Variants in RPF1 observed in about 807,000 individuals in gnomAD.
The protein encoded by RPF1 is ribosome production factor 1 homolog.
RPF1 carries 34 observed loss-of-function variants against 41.9 expected under a neutral mutation model. That is an observed-to-expected ratio of 0.81 (90% confidence interval 0.62 to 1.08). The LOEUF (loss-of-function observed/expected upper bound fraction) is 1.08, where lower values mean the gene tolerates loss of function less well. Ranked by LOEUF, RPF1 falls within the 50% of genes least tolerant of loss-of-function variation. The pLI is 0.00. For missense variants in RPF1, 425 were observed against 435.2 expected (o/e 0.98, Z 0.21); for synonymous variants, 140 against 148.9 (o/e 0.94, Z 0.43).
intron 3 of RPF1, among the ~76,000 whole-genome samples, chr1:84,486,017 T>C (rs1681729035): frequency 6.6e-6 from 1 of 152,070 alleles, no homozygotes; most frequent in Non-Finnish European, 1.5e-5. Context: ...AGCAAAGACT[T>C]GAAGGATGTG....
chr1:84,495,701 A>G (rs1681921567), intron 6 of RPF1, among the ~76,000 whole-genome samples, 181 bp from the exon 7 acceptor site: 2 of 152,208 alleles, frequency 1.3e-5, no homozygotes, highest in Admixed American at 6.5e-5. Flanking sequence ...CATTCAGTGC[A>G]TATTAAAATA....
At chr1:84,480,068 C>A (rs1053713806) in intron 1 of RPF1, among the ~76,000 whole-genome samples, 2 of 152,184 alleles carry the variant, frequency 1.3e-5, no homozygotes, top group African/African-American at 2.4e-5. Flanking sequence ...TCGCAGTGCT[C>A]ATTTCTGGTT....
At chr1:84,490,756 G>A (rs1392018687) in intron 5 of RPF1, among the ~76,000 whole-genome samples, 1 of 152,192 alleles carries the variant, frequency 6.6e-6, no homozygotes, top group Non-Finnish European at 1.5e-5. Flanking sequence ...AAATGGATAT[G>A]TAAACTGACA....
At chr1:84,493,823 TCA>T (rs1478254344) in intron 5 of RPF1, among the ~76,000 whole-genome samples, 1 of 152,182 alleles carries the variant, frequency 6.6e-6, no homozygotes, top group East Asian at 1.9e-4. Context: ...ATGCTAGGAT[TCA>T]CATATATAGT....
At chr1:84,488,079 G>A (rs1293340840) in intron 3 of RPF1, among the ~76,000 whole-genome samples, 1 of 151,930 alleles carries the variant, frequency 6.6e-6, no homozygotes, top group Non-Finnish European at 1.5e-5. Context: ...TCATAATAAG[G>A]CTTCATATCT....
intron 3 of RPF1, among the ~76,000 whole-genome samples, chr1:84,486,655 G>A (rs1201937603): frequency 6.6e-6 from 1 of 151,734 alleles, no homozygotes; most frequent in East Asian, 1.9e-4. Context: ...GAAGTAGTTG[G>A]CTGCTTTACT....
At chr1:84,487,866 T>G (rs1681762094) in intron 3 of RPF1, among the ~76,000 whole-genome samples, 1 of 152,132 alleles carries the variant, frequency 6.6e-6, no homozygotes, top group Non-Finnish European at 1.5e-5. Context: ...TGTGTTCTAC[T>G]TCTTAACAGT....
At chr1:84,496,740 A>G (rs12071149) in intron 8 of RPF1, among the ~76,000 whole-genome samples, 70,531 of 151,966 alleles carry the variant, frequency 0.46, 18,254 homozygotes, top group African/African-American at 0.7. Flanking sequence ...AGGGGGTGGG[A>G]CCCAGCAGCA....
Position 84,479,484 on chromosome 1 carries a change from C to T in RPF1, c.203C>T (p.Thr68Met), listed in dbSNP as rs758264553. Residue 68 changes from threonine (T) to methionine (M), a missense_variant, in exon 1 of 9, where the codon ACG (threonine) becomes ATG (methionine). By Grantham distance (81) the Thr-to-Met change is moderately conservative. Coordinates refer to ENST00000370654, the MANE Select transcript of RPF1 (RefSeq NM_025065.7). ...KNKQRRHLMFTRWKQQQRKEK... is the reference protein window; with the variant it reads ...KNKQRRHLMFMRWKQQQRKEK... Reference sequence around the variant, plus strand: ...AAACAGCGGCGACACTTAATGTTCACGCGGTGGAAACAGCAGCAGCGGAAG... The same window carrying T: ...AAACAGCGGCGACACTTAATGTTCATGCGGTGGAAACAGCAGCAGCGGAAG... The T allele has an allele frequency of 6.2e-7, 1 of 1,614,118 alleles. No individual in the cohort carries two copies. The highest frequency in any genetic ancestry group is 8.5e-7 in the Non-Finnish European group (1 of 1,179,972).
rs185670469 is a variant in RPF1, at chr1:84,497,331, T to C, written c.1009-98T>C. ...GGTTTTTCAGCACTAGTGTTACTTA[T>C]GAAGATCTAGGGACGTTAACTTTTA... On this transcript the variant is annotated intron_variant, in intron 8 of 8. Transcript: ENST00000370654. The C allele has an allele frequency of 4.7e-4, 455 of 958,748 alleles. 4 individuals carry two copies. In the East Asian group the frequency reaches 8.0e-3, roughly 17 times the overall value. 59.4% of individuals were successfully genotyped at this position (958,748 alleles called of 1,614,324 possible).
At chr1:84,486,077 C>T (rs1320653291) in intron 3 of RPF1, among the ~76,000 whole-genome samples, 1 of 152,022 alleles carries the variant, frequency 6.6e-6, no homozygotes, top group Admixed American at 6.5e-5. Flanking sequence ...GAGAGAACAC[C>T]CAGTGCACAA....
intron 5 of RPF1, among the ~76,000 whole-genome samples, chr1:84,494,608 G>A (rs1681895883): frequency 1.3e-5 from 2 of 152,196 alleles, no homozygotes; most frequent in South Asian, 4.1e-4. Context: ...AGGTCAGATT[G>A]TGCCACAAAC....
chr1:84,482,006 CT>C, intron 2 of RPF1, among the ~76,000 whole-genome samples: 1 of 152,210 alleles, frequency 6.6e-6, no homozygotes, highest in East Asian at 1.9e-4. Flanking sequence ...CTTTTTAATT[CT>C]TTTGTAATCA....
chr1:84,485,212 C>T (rs1423260871), intron 3 of RPF1, among the ~76,000 whole-genome samples: 2 of 152,122 alleles, frequency 1.3e-5, no homozygotes, highest in Non-Finnish European at 1.5e-5. Flanking sequence ...TCAAGCAATT[C>T]TGCTGCCTCT....
chr1:84,482,629 A>G (rs760737008), intron 2 of RPF1, among the ~76,000 whole-genome samples: 1 of 151,128 alleles, frequency 6.6e-6, no homozygotes, highest in Non-Finnish European at 1.5e-5. Context: ...GTAGATAACT[A>G]TCTTGATCTC....
chr1:84,479,410 G>C lies in RPF1; in HGVS notation c.129G>C (p.Pro43=), dbSNP rs536793287. The change falls in exon 1 of 9, where the codon CCG becomes CCC. Residue 43 remains proline (P), a synonymous_variant. Transcript: ENST00000370654. ...CGACGGAAAACGGGGTCCAACCCCC[G>C]AAAGCGGCTGCCTTTCCGCCAGGCT... ...DGATENGVQP[P]KAAAFPPGFS... The C allele has an allele frequency of 4.1e-5, 66 of 1,614,230 alleles. 1 individual carries two copies. The South Asian group carries it at 7.0e-4, about 17-fold the overall frequency.
intron 5 of RPF1, among the ~76,000 whole-genome samples, chr1:84,494,065 G>C (rs1175039876): frequency 6.6e-6 from 1 of 152,180 alleles, no homozygotes; most frequent in Non-Finnish European, 1.5e-5. Context: ...CAGATATAAT[G>C]AAACAGCTGA....
Position 84,479,522 on chromosome 1 carries a change from C to T in RPF1, c.228+13C>T. 1.9e-6 allele frequency: 3 copies of T among 1,610,888 alleles called. No individual in the cohort carries two copies. Among genetic ancestry groups the T allele is most frequent in the Non-Finnish European group, 1.7e-6 (2 of 1,177,590 alleles). On this transcript the variant is annotated intron_variant, in intron 1 of 8. Coordinates refer to ENST00000370654, the MANE Select transcript of RPF1 (RefSeq NM_025065.7). The stretch of plus-strand genomic sequence containing the variant: ...GCAGCAGCGGAAGGTACGCGAGAGG[C>T]GGGGGCTGCCGGGCGCTTGCGCGTT...
Position 84,495,467 on chromosome 1 carries a change from A to T in RPF1, c.699+12A>T, listed in dbSNP as rs201356280. On this transcript the variant is annotated intron_variant, in intron 6 of 8. Transcript: ENST00000370654. ...GTAAAGAAATTAAGGTAAGTTTTAT[A>T]CATTTCTTTGATTGGCATTGATCTC... 3 of 1,173,840 alleles carry T rather than the reference A, an allele frequency of 2.6e-6. No homozygotes were observed. The East Asian group carries it at 7.1e-5, about 28-fold the overall frequency. 72.7% of individuals were successfully genotyped at this position (1,173,840 alleles called of 1,614,324 possible).
Sources: allele counts gnomAD v4.1 joint callset (sites outside exome capture counted in the v4.1 genomes callset), GRCh38; gene constraint gnomAD v4.1.1; transcripts MANE v1.5; gene names NCBI Gene and HGNC (gene_info 2026-07-23, HGNC 2026-07-21).